ST6GAL1: variants seen among roughly 807,000 people sequenced by gnomAD.
The protein encoded by ST6GAL1 is ST6 beta-galactoside alpha-2,6-sialyltransferase 1.
A neutral mutation model predicts 38.0 loss-of-function variants in ST6GAL1; 20 were observed. The ratio of observed to expected loss-of-function variants is 0.53; its 90% CI spans 0.37 to 0.77. ST6GAL1 has a LOEUF of 0.77. Ranked by LOEUF, ST6GAL1 falls within the 30% of genes least tolerant of loss-of-function variation. ST6GAL1 has a pLI of 0.00. For synonymous variants in ST6GAL1, 196 were observed against 188.2 expected (o/e 1.04, Z -0.34); for missense variants, 432 against 496.4 (o/e 0.87, Z 1.23).
intron 1 of ST6GAL1, among the ~76,000 whole-genome samples, chr3:186,936,120 T>G (rs1579249994): frequency 6.6e-6 from 1 of 152,134 alleles, no homozygotes. Flanking sequence ...CCTTAGAAAT[T>G]GCCCTCAGGA....
At chr3:187,012,637 C>T (rs1205125129) in intron 2 of ST6GAL1, among the ~76,000 whole-genome samples, 1 of 152,152 alleles carries the variant, frequency 6.6e-6, no homozygotes, top group Admixed American at 6.5e-5. Context: ...CCCCACCACA[C>T]TCTCTCAGTC....
At chr3:186,965,925 G>GA (rs1715096984) in intron 2 of ST6GAL1, among the ~76,000 whole-genome samples, 1 of 152,190 alleles carries the variant, frequency 6.6e-6, no homozygotes, top group African/African-American at 2.4e-5. Context: ...TCGGGACAGA[G>GA]TGTCGCTCTG....
intron 2 of ST6GAL1, among the ~76,000 whole-genome samples, chr3:186,995,471 A>T (rs1422575554): frequency 7.3e-6 from 1 of 137,822 alleles, no homozygotes; most frequent in Non-Finnish European, 1.5e-5. Context: ...GCGCCACTGC[A>T]CTCCAGCCTG....
intron 2 of ST6GAL1, among the ~76,000 whole-genome samples, chr3:187,017,424 A>G (rs887458206): frequency 7.1e-5 from 10 of 141,158 alleles, no homozygotes; most frequent in Admixed American, 1.4e-4. Context: ...TAGAGCAACA[A>G]TGTTCTAAGT....
chr3:187,001,962 A>G (rs939872475), intron 2 of ST6GAL1, among the ~76,000 whole-genome samples: 15 of 151,500 alleles, frequency 9.9e-5, no homozygotes, highest in African/African-American at 3.2e-4. Flanking sequence ...TCTCAAAAAA[A>G]AAAAAAAAAC....
At chr3:187,066,775 G>A (rs916389826) in intron 5 of ST6GAL1, among the ~76,000 whole-genome samples, 2 of 152,052 alleles carry the variant, frequency 1.3e-5, no homozygotes, top group Non-Finnish European at 2.9e-5. Context: ...GGGCTCTGCT[G>A]CTCTGCCAAT....
intron 1 of ST6GAL1, among the ~76,000 whole-genome samples, chr3:186,955,527 A>G (rs1279926160): frequency 6.7e-6 from 1 of 149,646 alleles, no homozygotes; most frequent in Admixed American, 6.7e-5. Context: ...TTTGAGATGG[A>G]GTGTCACTCT....
At chr3:186,935,977 A>G (rs1289038607) in intron 1 of ST6GAL1, among the ~76,000 whole-genome samples, 1 of 144,472 alleles carries the variant, frequency 6.9e-6, no homozygotes, top group African/African-American at 2.5e-5. Flanking sequence ...ATTTACCGAC[A>G]AACAGGTGGT....
At chr3:187,037,849 A>G (rs1717981836) in intron 2 of ST6GAL1, among the ~76,000 whole-genome samples, 1 of 123,062 alleles carries the variant, frequency 8.1e-6, no homozygotes, top group South Asian at 2.3e-4. Context: ...ATTATAAAAG[A>G]TGAAAACATC....
chr3:186,974,904 T>G (rs756659148), intron 2 of ST6GAL1: 1 of 152,188 alleles, frequency 6.6e-6, no homozygotes, highest in African/African-American at 2.4e-5. Flanking sequence ...CCTGTAACTC[T>G]TATTGGAAGG....
intron 1 of ST6GAL1, among the ~76,000 whole-genome samples, chr3:186,944,827 T>C (rs1032169310): frequency 6.6e-6 from 1 of 152,220 alleles, no homozygotes; most frequent in African/African-American, 2.4e-5. Flanking sequence ...TCATATTCCA[T>C]TGGCCAAGAC....
intron 5 of ST6GAL1, among the ~76,000 whole-genome samples, chr3:187,067,811 T>TC (rs1719220378): frequency 6.6e-6 from 1 of 152,166 alleles, no homozygotes; most frequent in Admixed American, 6.5e-5. Flanking sequence ...CACAAACTCA[T>TC]CGTAGCCTTA....
intron 4 of ST6GAL1, among the ~76,000 whole-genome samples, chr3:187,044,869 C>T (rs897345991): frequency 2.6e-5 from 4 of 152,216 alleles, no homozygotes; most frequent in African/African-American, 9.6e-5. Context: ...AGGATTTCCA[C>T]AGAAGGACTT....
intron 2 of ST6GAL1, chr3:186,964,431 A>T (rs1715034009): frequency 6.6e-6 from 1 of 152,230 alleles, no homozygotes; most frequent in African/African-American, 2.4e-5. Flanking sequence ...CTGATTATAA[A>T]GGTAATAGGT....
At chr3:186,947,155 T>G (rs1321613222) in intron 1 of ST6GAL1, among the ~76,000 whole-genome samples, 5 of 152,210 alleles carry the variant, frequency 3.3e-5, no homozygotes, top group Admixed American at 1.3e-4. Flanking sequence ...GTTAATACAG[T>G]GTGCACAGCA....
chr3:186,970,449 T>C (rs377674108), intron 2 of ST6GAL1, among the ~76,000 whole-genome samples: 25 of 151,530 alleles, frequency 1.6e-4, no homozygotes, highest in Middle Eastern at 3.4e-3. Flanking sequence ...GGTCTCTGTC[T>C]CCTGATCTCA....
intron 1 of ST6GAL1, among the ~76,000 whole-genome samples, chr3:186,961,653 G>C (rs1278535073): frequency 6.6e-6 from 1 of 152,094 alleles, no homozygotes; most frequent in Non-Finnish European, 1.5e-5. Context: ...AGAGTGACAG[G>C]GCATGAGGCT....
intron 2 of ST6GAL1, among the ~76,000 whole-genome samples, chr3:186,984,506 T>C (rs1232575627): frequency 3.9e-5 from 6 of 152,138 alleles, no homozygotes; most frequent in Non-Finnish European, 8.8e-5. Context: ...CCCTCTTCCT[T>C]GATCCTTTCC....
At chr3:187,049,392 G>A (rs571253033) in intron 4 of ST6GAL1, among the ~76,000 whole-genome samples, 7 of 152,252 alleles carry the variant, frequency 4.6e-5, no homozygotes, top group Non-Finnish European at 8.8e-5. Flanking sequence ...CCAGGAGGCC[G>A]TCCCAGTCTT....
Sources: allele counts gnomAD v4.1 joint callset (sites outside exome capture counted in the v4.1 genomes callset), GRCh38; gene constraint gnomAD v4.1.1; transcripts MANE v1.5; gene names NCBI Gene and HGNC (gene_info 2026-07-23, HGNC 2026-07-21).